ZNF804B: variants seen among roughly 807,000 people sequenced by gnomAD.
ZNF804B encodes the protein zinc finger 804B.
ZNF804B carries 80 observed loss-of-function variants against 101.4 expected under a neutral mutation model. The observed-to-expected ratio is 0.79, with a 90% CI of 0.66 to 0.95. ZNF804B has a LOEUF of 0.95. ZNF804B is among the 40% of genes least tolerant of loss of function. The pLI is 0.00. For missense variants in ZNF804B, 1,673 were observed against 1,561.9 expected, an observed-to-expected ratio of 1.07 and a Z score of -1.20; for synonymous variants, 622 against 558.8, an observed-to-expected ratio of 1.11 and a Z score of -1.59.
chr7:88,873,846 A>G (rs1476763204), intron 1 of ZNF804B, among the ~76,000 whole-genome samples: 2 of 152,180 alleles, frequency 1.3e-5, no homozygotes, highest in Non-Finnish European at 2.9e-5. Flanking sequence ...TTTTGGTACC[A>G]GTACCACACT....
At chr7:89,099,951 G>A (rs60156714) in intron 1 of ZNF804B, among the ~76,000 whole-genome samples, 3,319 of 152,216 alleles carry the variant, frequency 0.022, 152 homozygotes, top group African/African-American at 0.076. Flanking sequence ...TAGGTATTGG[G>A]TCATATGGCT....
rs1524135 is a variant in ZNF804B at position 89,308,803 on chromosome 7, C to G, written c.250-18541C>G. On this transcript the variant is annotated intron_variant, in intron 2 of 3. Transcript: ENST00000333190. ...TGGCAAGGATTCAACTCTGCCAATACAGTCTGAAAGTAGCCTTATGTAAAA... is the reference window on the plus strand; with the variant it reads ...TGGCAAGGATTCAACTCTGCCAATAGAGTCTGAAAGTAGCCTTATGTAAAA... Among the ~76,000 whole-genome samples the G allele has an allele frequency of 3.6e-3, 550 of 152,256 alleles. 2 individuals carry two copies. The highest frequency in any genetic ancestry group is 0.013 in the African/African-American group (533 of 41,566).
At chr7:88,961,225 T>C (rs1793381440) in intron 1 of ZNF804B, among the ~76,000 whole-genome samples, 1 of 149,438 alleles carries the variant, frequency 6.7e-6, no homozygotes. Context: ...TTATGTCGTG[T>C]GTTGTATAAA....
intron 2 of ZNF804B, among the ~76,000 whole-genome samples, chr7:89,294,960 CT>C (rs1449460628): frequency 1.3e-5 from 2 of 152,072 alleles, no homozygotes; most frequent in African/African-American, 4.8e-5. Flanking sequence ...TTTACTTACT[CT>C]GTTTCCTCAT....
At chr7:89,095,329 G>T (rs915839255) in intron 1 of ZNF804B, among the ~76,000 whole-genome samples, 1 of 152,160 alleles carries the variant, frequency 6.6e-6, no homozygotes, top group Non-Finnish European at 1.5e-5. Flanking sequence ...CCAGTGACTT[G>T]ACCTTAGACT....
At chr7:89,168,216 G>T (rs1372678603) in intron 1 of ZNF804B, among the ~76,000 whole-genome samples, 2 of 151,896 alleles carry the variant, frequency 1.3e-5, no homozygotes, top group Non-Finnish European at 2.9e-5. Context: ...AGCTTTTTCA[G>T]TAGTAACTCC....
intron 1 of ZNF804B, among the ~76,000 whole-genome samples, chr7:89,179,322 T>G (rs2115575657): frequency 6.6e-6 from 1 of 152,278 alleles, no homozygotes; most frequent in South Asian, 2.1e-4. Flanking sequence ...CTTCCTACAT[T>G]CGTAGGCATG....
intron 1 of ZNF804B, among the ~76,000 whole-genome samples, chr7:89,066,374 A>T (rs997606490): frequency 3.9e-5 from 6 of 152,026 alleles, no homozygotes; most frequent in Non-Finnish European, 7.4e-5. Context: ...ATTGCAATAA[A>T]ATCATGTCCT....
chr7:89,014,211 A>G (rs1788505258), intron 1 of ZNF804B, among the ~76,000 whole-genome samples: 2 of 152,054 alleles, frequency 1.3e-5, no homozygotes, highest in Non-Finnish European at 2.9e-5. Context: ...CCTCACCAAC[A>G]TTAATTTTTT....
intron 1 of ZNF804B, among the ~76,000 whole-genome samples, chr7:89,102,579 A>G (rs1395087766): frequency 6.6e-6 from 1 of 151,980 alleles, no homozygotes; most frequent in African/African-American, 2.4e-5. Flanking sequence ...GATTGTGCAT[A>G]TTAGTCCTTT....
At chr7:89,329,192 A>C (rs946683675) in intron 3 of ZNF804B, among the ~76,000 whole-genome samples, 28 of 151,742 alleles carry the variant, frequency 1.8e-4, no homozygotes, top group African/African-American at 6.8e-4. Flanking sequence ...TCTAGGTCAC[A>C]ATGTGCCCGT....
chr7:88,795,355 A>T (rs1386896131), intron 1 of ZNF804B, among the ~76,000 whole-genome samples: 3 of 134,706 alleles, frequency 2.2e-5, no homozygotes, highest in Admixed American at 1.6e-4. Context: ...ATAACTTTTA[A>T]AAAAAAATCC....
intron 1 of ZNF804B, among the ~76,000 whole-genome samples, chr7:89,190,342 A>AG (rs1193902362): frequency 6.6e-6 from 1 of 151,780 alleles, no homozygotes; most frequent in Admixed American, 6.6e-5. Context: ...TCTTAAAAAA[A>AG]AAAAAAAAGC....
At chr7:88,825,029 C>A (rs1190146869) in intron 1 of ZNF804B, among the ~76,000 whole-genome samples, 1 of 152,120 alleles carries the variant, frequency 6.6e-6, no homozygotes, top group African/African-American at 2.4e-5. Flanking sequence ...TAAACAAAGT[C>A]AATGACATAT....
chr7:88,997,081 C>T (rs1243655327), intron 1 of ZNF804B, among the ~76,000 whole-genome samples: 1 of 152,048 alleles, frequency 6.6e-6, no homozygotes, highest in Non-Finnish European at 1.5e-5. Flanking sequence ...ATATGTTTAA[C>T]TGATACACAC....
At chr7:89,219,990 C>CAT (rs10640878) in intron 2 of ZNF804B, among the ~76,000 whole-genome samples, 866 of 18,036 alleles carry the variant, frequency 0.048, 6 homozygotes, top group Middle Eastern at 0.071. Context: ...CATATGTGTG[C>CAT]ATATATGTAT....
chr7:89,244,882 C>A (rs981386595), intron 2 of ZNF804B, among the ~76,000 whole-genome samples: 1 of 152,086 alleles, frequency 6.6e-6, no homozygotes, highest in African/African-American at 2.4e-5. Flanking sequence ...TAGTATAATT[C>A]ACAATCTTTA....
intron 1 of ZNF804B, chr7:88,794,837 C>G (rs756551366): frequency 1.2e-6 from 2 of 1,613,724 alleles, no homozygotes; most frequent in Non-Finnish European, 1.7e-6. Context: ...CGTTGTTTCT[C>G]TTCTTGAAAG....
At chr7:89,022,005 A>T (rs894587799) in intron 1 of ZNF804B, among the ~76,000 whole-genome samples, 1 of 152,152 alleles carries the variant, frequency 6.6e-6, no homozygotes, top group African/African-American at 2.4e-5. Context: ...TGTAGTAAGG[A>T]CTACAAGTGT....
Sources: gnomAD v4.1 joint callset for allele counts (sites outside exome capture counted in the v4.1 genomes callset) on GRCh38, gnomAD v4.1.1 for gene constraint, MANE v1.5 for transcripts, NCBI Gene and HGNC (gene_info 2026-07-23, HGNC 2026-07-21) for gene names.